The following ZNF219 variants were observed in gnomAD, a reference collection of about 807,000 sequenced individuals.
The protein encoded by ZNF219 is zinc finger protein 219.
ZNF219 carries 17 observed loss-of-function variants against 54.4 expected under a neutral mutation model. The observed-to-expected ratio is 0.31, with a 90% CI of 0.21 to 0.47. The LOEUF (loss-of-function observed/expected upper bound fraction) is 0.47. ZNF219 is among the 20% of genes least tolerant of loss of function. The pLI is 1.00. For synonymous variants in ZNF219, 518 were observed against 476.4 expected (o/e 1.09, Z -1.14); for missense variants, 1,014 against 1,062.3 (o/e 0.95, Z 0.63).
In ZNF219 at chr14:21,090,386, C is replaced by CT. The variant is rs1188713731; in HGVS notation, c.*149dup. ...GGGTGGGTACCGCCAGCCCACCCTC[C>CT]TACGCCCGCCGCGCCTTCCACCTCT... is the stretch of plus-strand genomic sequence containing the variant. On this transcript the variant is annotated 3_prime_UTR_variant, in exon 5 of 5. Coordinates refer to ENST00000360947, the MANE Select transcript of ZNF219 (RefSeq NM_016423.3). The surrounding 1 kb of genome is among the most constrained non-coding windows in gnomAD (Gnocchi z 4.4). The CT allele has an allele frequency of 9.0e-7, 1 of 1,111,452 alleles. No homozygotes were observed. Among genetic ancestry groups the CT allele is most frequent in the African/African-American group, 1.6e-5 (1 of 63,978 alleles). The allele number at this position is 1,111,452 out of a possible 1,614,324, so 68.8% of individuals were successfully genotyped here. A position where few individuals can be genotyped will look rare whatever the true frequency, so the allele number is the denominator to read the frequency against.
At chr14:21,099,130 C>T (rs1889488430), upstream of ZNF219, 1 of 229,702 alleles carries the variant, frequency 4.4e-6, no homozygotes, top group African/African-American at 2.3e-5. Flanking sequence ...GCACTGGGCT[C>T]AGCGCTGTGA....
At chr14:21,091,182 CTG>C in intron 4 of ZNF219, 42 bp from the exon 5 acceptor site, 2 of 1,557,018 alleles carry the variant, frequency 1.3e-6, no homozygotes, top group African/African-American at 2.7e-5. Context: ...GTCACGATGA[CTG>C]CACGCACCCA....
At chr14:21,102,529 A>C (rs1445698076), upstream of ZNF219, 1 of 1,551,574 alleles carries the variant, frequency 6.4e-7, no homozygotes, top group Non-Finnish European at 8.7e-7. Flanking sequence ...CTGGTCAATG[A>C]AGGAGAAGGT....
chr14:21,090,374 C>T lies in ZNF219; in HGVS notation c.*162G>A. ...CTCCCTTGGGCTGGGTGGGTACCGC[C>T]AGCCCACCCTCCTACGCCCGCCGCG... On this transcript the variant is annotated 3_prime_UTR_variant, in exon 5 of 5. Transcript: ENST00000360947. This position sits in a 1 kb window ranked among gnomAD's most constrained non-coding sequence, Gnocchi z 4.4. 1.0e-6 allele frequency: 1 copy of T among 989,452 alleles called. No individual in the cohort carries two copies. The highest frequency in any genetic ancestry group is 1.5e-5 in the South Asian group (1 of 65,654). 61.3% of individuals were successfully genotyped at this position (989,452 alleles called of 1,614,324 possible).
rs1888771097 is a variant in ZNF219 at position 21,090,689 on chromosome 14, CCGG to C, written c.2013_2015del (p.Arg672del). On this transcript the variant is annotated inframe_deletion, in exon 5 of 5. Coordinates refer to ENST00000360947, the MANE Select transcript of ZNF219 (RefSeq NM_016423.3). This position sits in a 1 kb window ranked among gnomAD's most constrained non-coding sequence, Gnocchi z 4.4. ...CCTGGGGTGGCCGGCGGCCCCTAGC[CCGG>C]CGGCTGTGGTGCACTTGAAGGTGCA... 1 of 1,611,438 alleles carries C rather than the reference CCGG, an allele frequency of 6.2e-7. No individual in the cohort carries two copies. The highest frequency in any genetic ancestry group is 1.3e-5 in the African/African-American group (1 of 75,042).
Position 21,092,122 on chromosome 14 carries a change from T to A in ZNF219, c.1175A>T (p.Asn392Ile). The A allele has an allele frequency of 6.6e-7, 1 of 1,520,070 alleles. No individual in the cohort carries two copies. 94.2% of individuals were successfully genotyped at this position (1,520,070 alleles called of 1,614,324 possible). The change falls in exon 3 of 5, where the codon AAC (asparagine) becomes ATC (isoleucine). Residue 392 changes from asparagine to isoleucine, a missense_variant. Transcript: ENST00000360947. ...GGGACCGGGCTCAGCACCCTCGCCGTTGGGCCGGCCCTCGCCAGCTCGCAG... is the reference window on the plus strand; with the variant it reads ...GGGACCGGGCTCAGCACCCTCGCCGATGGGCCGGCCCTCGCCAGCTCGCAG... Reference protein sequence around the residue: ...LSLRAGEGRPNGEGAEPGPGR... With the variant: ...LSLRAGEGRPIGEGAEPGPGR...
chr14:21,101,538 A>C, upstream of ZNF219: 1 of 1,248,506 alleles, frequency 8.0e-7, no homozygotes, highest in Non-Finnish European at 1.1e-6. Flanking sequence ...ATGTTAAGTG[A>C]GCACCTACCA....
Position 21,091,524 on chromosome 14 carries a change from A to G in ZNF219, c.1451T>C (p.Val484Ala). The G allele has an allele frequency of 1.2e-6, 2 of 1,605,324 alleles. No individual in the cohort carries two copies. The highest frequency in any genetic ancestry group is 1.7e-6 in the Non-Finnish European group (2 of 1,173,536). ...GCCCCCTTCAGGCCGGGTCCCTCCA[A>G]CCAACAGCCCATTCTCTTCTGCAAC... ...TATQEENGLL[V>A]GGTRPEGGRG... Residue 484 changes from valine to alanine, a missense_variant, in exon 4 of 5, where the codon GTT (valine) becomes GCT (alanine). Val to Ala is a moderately conservative substitution (Grantham distance 64, BLOSUM62 0). Coordinates refer to ENST00000360947, the MANE Select transcript of ZNF219 (RefSeq NM_016423.3).
chr14:21,102,255 G>A, upstream of ZNF219: 7 of 1,403,716 alleles, frequency 5.0e-6, no homozygotes, highest in South Asian at 1.4e-5. Flanking sequence ...CAATCACTGA[G>A]GAGGAAAGCA....
chr14:21,092,159 C>A lies in ZNF219; in HGVS notation c.1138G>T (p.Gly380Cys), dbSNP rs1278848255. ...AERREPPSLL[G>C]YLSLRAGEGR... ...TCGCCAGCTCGCAGGCTCAGGTAGCCCAAGAGGCTCGGGGGCTCACGGCGC... is the reference window on the plus strand; with the variant it reads ...TCGCCAGCTCGCAGGCTCAGGTAGCACAAGAGGCTCGGGGGCTCACGGCGC... Residue 380 changes from glycine to cysteine, a missense_variant, in exon 3 of 5, where the codon GGC becomes TGC. Physicochemically the swap from Gly to Cys is radical, Grantham distance 159 (BLOSUM62 -3). Coordinates refer to ENST00000360947, the MANE Select transcript of ZNF219 (RefSeq NM_016423.3). 30 of 1,464,500 alleles carry A rather than the reference C, an allele frequency of 2.0e-5. No homozygotes were observed. The highest frequency in any genetic ancestry group is 2.6e-5 in the Non-Finnish European group (29 of 1,113,490). The allele number at this position is 1,464,500 out of a possible 1,614,324, so 90.7% of individuals were successfully genotyped here.
chr14:21,090,705 A>C lies in ZNF219; in HGVS notation c.2000T>G (p.Val667Gly), dbSNP rs769675433. ...GCCCCTAGCCCGGCGGCTGTGGTGC[A>C]CTTGAAGGTGCAAGGCCATGAGCTC... ...APELMALHLQ[V>G]HHSRRARGRR... is the part of the protein sequence containing the mutation. The change falls in exon 5 of 5, where the codon GTG becomes GGG. Residue 667 changes from valine (V) to glycine (G), a missense_variant. By Grantham distance (109) the Val-to-Gly change is moderately radical. This residue lies in a region of ZNF219 where 281 missense variants were observed against 271.2 expected (regional missense o/e 1.04). Coordinates refer to ENST00000360947, the MANE Select transcript of ZNF219 (RefSeq NM_016423.3). The surrounding 1 kb of genome is among the most constrained non-coding windows in gnomAD (Gnocchi z 4.4). 1 of 1,610,970 alleles carries C rather than the reference A, an allele frequency of 6.2e-7. No homozygotes were observed. The highest frequency in any genetic ancestry group is 1.7e-5 in the Admixed American group (1 of 59,844).
At position 21,090,283 on chromosome 14, in the gene ZNF219, C is replaced by G; in HGVS notation, c.*253G>C. The G allele has an allele frequency of 2.9e-6, 2 of 693,378 alleles. No homozygotes were observed. The allele number at this position is 693,378 out of a possible 1,614,324, so 43.0% of individuals were successfully genotyped here. A position where few individuals can be genotyped will look rare whatever the true frequency, so the allele number is the denominator to read the frequency against. On this transcript the variant is annotated 3_prime_UTR_variant, in exon 5 of 5. Transcript: ENST00000360947. The surrounding 1 kb of genome is among the most constrained non-coding windows in gnomAD (Gnocchi z 4.4). ...AGTGGCTCCTCAACAGGGACACAAACCTTCTCTGCCAGCCCAGGGACCCCG... is the reference window on the plus strand; with the variant it reads ...AGTGGCTCCTCAACAGGGACACAAAGCTTCTCTGCCAGCCCAGGGACCCCG...
At chr14:21,091,281 C>A in intron 4 of ZNF219, 130 bp downstream of exon 4, 2 of 1,507,658 alleles carry the variant, frequency 1.3e-6, no homozygotes, top group Non-Finnish European at 1.8e-6. Flanking sequence ...AATAAAGGAG[C>A]GTTTCCCAAG....
upstream of ZNF219, chr14:21,102,439 T>C: frequency 6.4e-7 from 1 of 1,551,708 alleles, no homozygotes; most frequent in Middle Eastern, 1.7e-4. Context: ...ACCTTCAACT[T>C]GATCTTGGGT....
intron 2 of ZNF219, 96 bp downstream of exon 2, chr14:21,093,490 C>T: frequency 6.6e-7 from 1 of 1,503,918 alleles, no homozygotes; most frequent in Non-Finnish European, 9.2e-7. Context: ...AAGGAGTTAA[C>T]TTCTAATAAT....
upstream of ZNF219, chr14:21,103,375 C>G (rs1335253728): frequency 2.1e-6 from 3 of 1,437,074 alleles, no homozygotes; most frequent in Non-Finnish European, 2.7e-6. Context: ...AAAGCAGGCC[C>G]TTTTTTCGTT....
upstream of ZNF219, chr14:21,102,137 C>T (rs367771233): frequency 1.6e-5 from 25 of 1,548,170 alleles, no homozygotes; most frequent in South Asian, 4.8e-5. Context: ...GGGAAGAAAA[C>T]GCAGCACTGT....
upstream of ZNF219, chr14:21,103,229 C>T (rs763288851): frequency 6.4e-7 from 1 of 1,551,638 alleles, no homozygotes; most frequent in South Asian, 1.2e-5. Flanking sequence ...ACAGCGGGAA[C>T]AGACACGTGC....
At chr14:21,096,979 T>G (rs1889306255) in intron 1 of ZNF219, among the ~76,000 whole-genome samples, 1 of 152,202 alleles carries the variant, frequency 6.6e-6, no homozygotes, top group South Asian at 2.1e-4. Context: ...TTTTCCCTCT[T>G]GAGAATCCTA....
Sources: gnomAD v4.1 joint callset for allele counts (sites outside exome capture counted in the v4.1 genomes callset) on GRCh38, gnomAD v4.1.1 for gene constraint, gnomAD v4.1.1 regional missense constraint, Gnocchi (gnomAD v3.1) non-coding constraint, MANE v1.5 for transcripts, NCBI Gene and HGNC (gene_info 2026-07-23, HGNC 2026-07-21) for gene names.